The following POLDIP3 variants were observed in gnomAD, a reference collection of about 807,000 sequenced individuals.
POLDIP3 encodes the protein polymerase delta-interacting protein 3.
POLDIP3 carries 14 observed loss-of-function variants against 45.1 expected under a neutral mutation model. The ratio of observed to expected loss-of-function variants is 0.31; its 90% CI spans 0.20 to 0.49. The LOEUF (loss-of-function observed/expected upper bound fraction) is 0.49. Ranked by LOEUF, POLDIP3 falls within the 20% of genes least tolerant of loss-of-function variation. The probability of loss-of-function intolerance (pLI) is 0.99; values close to 1 mark genes in which losing one functional copy is unlikely to be tolerated. For synonymous variants in POLDIP3, 223 were observed against 205.2 expected, an observed-to-expected ratio of 1.09 and a Z score of -0.74; for missense variants, 511 against 538.8, an observed-to-expected ratio of 0.95 and a Z score of 0.51.
intron 1 of POLDIP3, among the ~76,000 whole-genome samples, chr22:42,607,345 G>A (rs948778882): frequency 9.9e-5 from 15 of 152,228 alleles, no homozygotes; most frequent in East Asian, 3.8e-4. Context: ...GCTCCCGACC[G>A]CAAGTGATCT....
chr22:42,594,987 A>G (rs757289632), intron 6 of POLDIP3, among the ~76,000 whole-genome samples: 1 of 152,186 alleles, frequency 6.6e-6, no homozygotes, highest in Admixed American at 6.5e-5. Context: ...GAAGCTGTGC[A>G]GAAGAGTGAA....
At chr22:42,594,927 A>T (rs1925892205) in intron 6 of POLDIP3, among the ~76,000 whole-genome samples, 1 of 152,214 alleles carries the variant, frequency 6.6e-6, no homozygotes, top group African/African-American at 2.4e-5. Context: ...CCATTATAGC[A>T]TAGATATCCC....
Position 42,585,698 on chromosome 22 carries a change from C to T in POLDIP3, c.*93G>A. On this transcript the variant is annotated 3_prime_UTR_variant, in exon 9 of 9. Coordinates refer to ENST00000252115, the MANE Select transcript of POLDIP3 (RefSeq NM_032311.5). ...GGCAACCCTTCCCACAATCAGGGGT[C>T]TCCAGTCCGATGGCCCATTGGTCAT... 1 of 1,426,472 alleles carries T rather than the reference C, an allele frequency of 7.0e-7. No homozygotes were observed. Among genetic ancestry groups the T allele is most frequent in the South Asian group, 1.4e-5 (1 of 73,310 alleles). The allele number at this position is 1,426,472 out of a possible 1,614,324, so 88.4% of individuals were successfully genotyped here.
chr22:42,602,568 T>C (rs1004899561), intron 2 of POLDIP3, among the ~76,000 whole-genome samples: 1 of 152,210 alleles, frequency 6.6e-6, no homozygotes, highest in Non-Finnish European at 1.5e-5. Flanking sequence ...TTTTTCTTTT[T>C]TTTTAGAACT....
intron 5 of POLDIP3, 59 bp from the exon 6 acceptor site, chr22:42,595,673 A>G: frequency 6.6e-7 from 1 of 1,505,198 alleles, no homozygotes; most frequent in South Asian, 1.1e-5. Flanking sequence ...TTCCCACAAC[A>G]GAAATTCCTC....
intron 1 of POLDIP3, among the ~76,000 whole-genome samples, chr22:42,609,573 AGGCCCATGAAGTGG>A (rs746407733): frequency 4.1e-4 from 63 of 152,210 alleles, no homozygotes; most frequent in Non-Finnish European, 6.3e-4. Flanking sequence ...CAAAAGATTC[AGGCCCATGAAGTGG>A]GGCCCTGGAT....
At chr22:42,609,535 A>G (rs943560523) in intron 1 of POLDIP3, among the ~76,000 whole-genome samples, 2 of 152,190 alleles carry the variant, frequency 1.3e-5, no homozygotes, top group Non-Finnish European at 2.9e-5. Context: ...GGGCAGGGCT[A>G]CAGCCCATTC....
At chr22:42,610,583 A>C (rs980240264) in intron 1 of POLDIP3, among the ~76,000 whole-genome samples, 41 of 152,174 alleles carry the variant, frequency 2.7e-4, no homozygotes, top group African/African-American at 8.9e-4. Context: ...ATGTCAACTG[A>C]CTTAACTGGG....
In POLDIP3 at chr22:42,584,647, G is replaced by GC; in HGVS notation, c.*1143dup. 2 of 343,842 alleles carry GC rather than the reference G, an allele frequency of 5.8e-6. No individual in the cohort carries two copies. Among genetic ancestry groups the GC allele is most frequent in the South Asian group, 4.4e-5 (2 of 45,462 alleles). The allele number at this position is 343,842 out of a possible 1,614,324, so 21.3% of individuals were successfully genotyped here. Reference sequence around the variant, plus strand: ...CTGAAGTTTCGTCCCAACTGTCTGCGCCTATGCTGGGGAAACACCTTGCCT... The same window carrying GC: ...CTGAAGTTTCGTCCCAACTGTCTGCGCCCTATGCTGGGGAAACACCTTGCCT... On this transcript the variant is annotated 3_prime_UTR_variant, in exon 9 of 9. Coordinates refer to ENST00000252115, the MANE Select transcript of POLDIP3 (RefSeq NM_032311.5).
chr22:42,607,037 G>A (rs960174187), intron 1 of POLDIP3, among the ~76,000 whole-genome samples: 1 of 152,212 alleles, frequency 6.6e-6, no homozygotes, highest in Non-Finnish European at 1.5e-5. Context: ...GGCCAAGGCG[G>A]GCAGATCGCT....
chr22:42,608,603 G>A (rs1205933836), intron 1 of POLDIP3, among the ~76,000 whole-genome samples: 1 of 152,122 alleles, frequency 6.6e-6, no homozygotes, highest in Non-Finnish European at 1.5e-5. Context: ...TAGGACTCCG[G>A]TCATGCCCAG....
At chr22:42,606,783 C>T (rs190413883) in intron 1 of POLDIP3, among the ~76,000 whole-genome samples, 213 of 152,208 alleles carry the variant, frequency 1.4e-3, no homozygotes, top group Admixed American at 3.0e-3. Context: ...GTTACAACCC[C>T]GTGAATCAGG....
chr22:42,584,573 G>A lies in POLDIP3; in HGVS notation c.*1218C>T, dbSNP rs1159384543. The A allele has an allele frequency of 7.9e-6, 2 of 252,960 alleles. No individual in the cohort carries two copies. The highest frequency in any genetic ancestry group is 2.6e-4 in the East Asian group (2 of 7,602). 15.7% of individuals were successfully genotyped at this position (252,960 alleles called of 1,614,324 possible). A position where few individuals can be genotyped will look rare whatever the true frequency, so the allele number is the denominator to read the frequency against. ...TTCTCTTCACTCCCAACCAGCAGGG[G>A]ACCACTCAGTGACAACACTGGCCTG... On this transcript the variant is annotated 3_prime_UTR_variant, in exon 9 of 9. Transcript: ENST00000252115.
chr22:42,609,745 T>C (rs1315524699), intron 1 of POLDIP3, among the ~76,000 whole-genome samples: 2 of 151,984 alleles, frequency 1.3e-5, no homozygotes, highest in Non-Finnish European at 2.9e-5. Flanking sequence ...AAAAAGCTTC[T>C]GGGTTAGGGG....
rs1020256640 is a variant in POLDIP3 at position 42,597,550 on chromosome 22, C to G, written c.634-1185G>C. 1.4e-5 allele frequency: 5 copies of G among 363,444 alleles called. No homozygotes were observed. The Admixed American group carries it at 1.6e-4, about 11-fold the overall frequency. 22.5% of individuals were successfully genotyped at this position (363,444 alleles called of 1,614,324 possible). ...TGTTGAACAGGCTTATTTCACCTCTCCATGCCTGTCCCTCATCCATCAACG... is the reference window on the plus strand; with the variant it reads ...TGTTGAACAGGCTTATTTCACCTCTGCATGCCTGTCCCTCATCCATCAACG... On this transcript the variant is annotated intron_variant, in intron 4 of 8. Transcript: ENST00000252115.
chr22:42,596,360 C>T lies in POLDIP3; in HGVS notation c.639G>A (p.Gly213=). Residue 213 remains glycine (G), a synonymous_variant, in exon 5 of 9, where the codon GGG becomes GGA. Coordinates refer to ENST00000252115, the MANE Select transcript of POLDIP3 (RefSeq NM_032311.5). ...ACATGGAAAGCTTGGAACTGCTTAG[C>T]CCAGCCTAAACGAAGAGACAGAAAA... ...ASGGFLHHMA[G]LSSSKLSMSK... is the part of the protein sequence containing the mutation. 6.2e-7 allele frequency: 1 copy of T among 1,613,564 alleles called. No individual in the cohort carries two copies. Among genetic ancestry groups the T allele is most frequent in the Non-Finnish European group, 8.5e-7 (1 of 1,179,782 alleles).
rs1601880288 is a variant in POLDIP3 at position 42,587,396 on chromosome 22, G to A, written c.1088+110C>T. 2.1e-5 allele frequency: 24 copies of A among 1,152,664 alleles called. 1 individual carries two copies. The South Asian group carries it at 3.1e-4, about 15-fold the overall frequency. 71.4% of individuals were successfully genotyped at this position (1,152,664 alleles called of 1,614,324 possible). A position where few individuals can be genotyped will look rare whatever the true frequency, so the allele number is the denominator to read the frequency against. ...ACGGCCAGCTGCCATTAGAACAGAG[G>A]AAACGGAATGGGGGGATGAAGGGGA... On this transcript the variant is annotated intron_variant, in intron 8 of 8. Transcript: ENST00000252115.
At chr22:42,588,680 G>A (rs1000725176) in intron 7 of POLDIP3, among the ~76,000 whole-genome samples, 10 of 149,884 alleles carry the variant, frequency 6.7e-5, no homozygotes, top group African/African-American at 2.2e-4. Flanking sequence ...CCAGGCTGGA[G>A]GGCAATGGTG....
intron 4 of POLDIP3, among the ~76,000 whole-genome samples, chr22:42,597,333 T>C (rs1440045836): frequency 6.6e-6 from 1 of 152,202 alleles, no homozygotes; most frequent in Non-Finnish European, 1.5e-5. Flanking sequence ...CATCAGAGCA[T>C]GGGCACGGGC....
Sources: allele counts gnomAD v4.1 joint callset (sites outside exome capture counted in the v4.1 genomes callset), GRCh38; gene constraint gnomAD v4.1.1; transcripts MANE v1.5; gene names NCBI Gene and HGNC (gene_info 2026-07-23, HGNC 2026-07-21).